KAZN: variants seen among roughly 807,000 people sequenced by gnomAD.
KAZN encodes kazrin, periplakin interacting protein.
KAZN carries 40 observed loss-of-function variants against 87.4 expected under a neutral mutation model. That is an observed-to-expected ratio of 0.46 (90% CI 0.36 to 0.60). KAZN has a LOEUF of 0.60. Ranked by LOEUF, KAZN falls within the 20% of genes least tolerant of loss-of-function variation. The pLI, the probability that KAZN is intolerant of heterozygous loss-of-function variation, is 0.00. For missense variants in KAZN, 898 were observed against 1,073.9 expected (o/e 0.84, Z 2.29); for synonymous variants, 466 against 458.3 (o/e 1.02, Z -0.22).
At chr1:14,978,388 T>C (rs1232735484) in intron 2 of KAZN, among the ~76,000 whole-genome samples, 1 of 151,814 alleles carries the variant, frequency 6.6e-6, no homozygotes, top group Non-Finnish European at 1.5e-5. Context: ...GTCAAAAGCA[T>C]CCGGCAGCTT....
At chr1:14,168,649 AG>A (rs943274006) in intron 1 of KAZN, among the ~76,000 whole-genome samples, 7 of 152,190 alleles carry the variant, frequency 4.6e-5, no homozygotes, top group African/African-American at 1.7e-4. Context: ...GTATATTCAT[AG>A]ATTTAGTGTA....
At chr1:15,005,566 G>A (rs1243148830) in intron 2 of KAZN, among the ~76,000 whole-genome samples, 1 of 152,112 alleles carries the variant, frequency 6.6e-6, no homozygotes, top group Non-Finnish European at 1.5e-5. Context: ...CAGGTGGATC[G>A]CTTGAGGTCA....
chr1:14,004,561 A>C (rs61777679), intron 1 of KAZN, among the ~76,000 whole-genome samples: 30,547 of 152,190 alleles, frequency 0.2, 3,319 homozygotes, highest in African/African-American at 0.26. Context: ...TGGGGTGCTT[A>C]GTGACTAGAA....
chr1:14,883,950 G>A (rs1194915243), intron 1 of KAZN, among the ~76,000 whole-genome samples: 2 of 152,110 alleles, frequency 1.3e-5, no homozygotes, highest in Non-Finnish European at 2.9e-5. Context: ...GAAAGAATAG[G>A]GTACAGGAAT....
At position 15,049,115 on chromosome 1, in the gene KAZN, C is replaced by T. The variant is rs182902963; in HGVS notation, c.726+4956C>T. Among the ~76,000 whole-genome samples, 351 of 152,224 alleles carry T rather than the reference C, an allele frequency of 2.3e-3. 1 individual carries two copies. The highest frequency in any genetic ancestry group is 8.1e-3 in the African/African-American group (337 of 41,526). ...GACGGCTTTGCCGGGAGGCTTTTGA[C>T]GGGAGTCCAGCCATGGCCTGAAGGA... On this transcript the variant is annotated intron_variant, in intron 4 of 14. Coordinates refer to ENST00000376030, the MANE Select transcript of KAZN (RefSeq NM_201628.3).
intron 8 of KAZN, among the ~76,000 whole-genome samples, chr1:15,082,203 A>G (rs1403088836): frequency 6.6e-6 from 1 of 152,100 alleles, no homozygotes. Flanking sequence ...TGGGGCAGCA[A>G]CAGGCCCAGC....
intron 1 of KAZN, among the ~76,000 whole-genome samples, chr1:14,105,205 T>C (rs1383691615): frequency 6.6e-6 from 1 of 152,124 alleles, no homozygotes; most frequent in African/African-American, 2.4e-5. Flanking sequence ...AATAAGTGCA[T>C]AGTTATAGAC....
At chr1:14,073,405 A>G (rs1557452579) in intron 1 of KAZN, among the ~76,000 whole-genome samples, 2 of 152,114 alleles carry the variant, frequency 1.3e-5, no homozygotes, top group Admixed American at 6.6e-5. Flanking sequence ...CTTTAAAACA[A>G]TTTTTTTTAT....
chr1:14,096,345 T>C (rs914359252), intron 1 of KAZN, among the ~76,000 whole-genome samples: 1 of 152,186 alleles, frequency 6.6e-6, no homozygotes, highest in East Asian at 1.9e-4. Flanking sequence ...ATACCACCTC[T>C]TTCAACTGAT....
chr1:14,387,431 A>C lies in KAZN; in HGVS notation c.249+206839A>C, dbSNP rs1346127668. ...CAGTTTTTCTGCTCTGTTTTTTCCC[A>C]ATCTTTGTGGTTTTATCTACTTTTG... On this transcript the variant is annotated intron_variant, in intron 2 of 16. Coordinates refer to the KAZN transcript ENST00000636203. 2.5e-3 allele frequency among the ~76,000 whole-genome samples: 381 copies of C among 151,848 alleles called. 1 individual carries two copies. Among genetic ancestry groups the C allele is most frequent in the African/African-American group, 8.4e-3 (346 of 41,352 alleles).
chr1:14,414,931 CAA>C (rs1209056180), intron 2 of KAZN, among the ~76,000 whole-genome samples: 2 of 152,074 alleles, frequency 1.3e-5, no homozygotes, highest in Non-Finnish European at 2.9e-5. Context: ...GAGGCTGAGA[CAA>C]GAGAATTGCT....
intron 3 of KAZN, 46 bp downstream of exon 3, chr1:15,034,931 C>T: frequency 6.2e-7 from 1 of 1,603,118 alleles, no homozygotes; most frequent in South Asian, 1.1e-5. Context: ...CACACCAGCT[C>T]CCACCTCCCC....
intron 1 of KAZN, among the ~76,000 whole-genome samples, chr1:14,864,429 G>T (rs548709060): frequency 6.6e-6 from 1 of 152,164 alleles, no homozygotes; most frequent in African/African-American, 2.4e-5. Flanking sequence ...TGGACGTGGG[G>T]TGGGCGCCTG....
intron 2 of KAZN, among the ~76,000 whole-genome samples, chr1:14,519,160 A>G (rs976590125): frequency 6.6e-6 from 1 of 152,184 alleles, no homozygotes; most frequent in African/African-American, 2.4e-5. Flanking sequence ...AAAAAAATTT[A>G]AATAATAAAA....
intron 1 of KAZN, among the ~76,000 whole-genome samples, chr1:14,890,118 G>A (rs1654541184): frequency 1.3e-5 from 2 of 152,332 alleles, no homozygotes; most frequent in South Asian, 4.1e-4. Context: ...GACCCTGAGG[G>A]GGCTTCCCAG....
At chr1:14,931,764 C>T (rs1336921001) in intron 1 of KAZN, among the ~76,000 whole-genome samples, 1 of 152,188 alleles carries the variant, frequency 6.6e-6, no homozygotes, top group Non-Finnish European at 1.5e-5. Context: ...CTCTGGTTTA[C>T]ACTGTGTTGC....
chr1:14,482,781 G>C (rs1372407362), intron 2 of KAZN, among the ~76,000 whole-genome samples: 2 of 152,100 alleles, frequency 1.3e-5, no homozygotes, highest in Admixed American at 1.3e-4. Flanking sequence ...GGGAGAGTGG[G>C]CTTTACCTAT....
At chr1:14,638,152 G>A (rs372490004) in intron 1 of KAZN, among the ~76,000 whole-genome samples, 5 of 152,136 alleles carry the variant, frequency 3.3e-5, no homozygotes, top group Non-Finnish European at 5.9e-5. Flanking sequence ...GGATGGCCTC[G>A]TCTCAACGAA....
intron 1 of KAZN, among the ~76,000 whole-genome samples, chr1:14,663,350 T>G (rs2148719861): frequency 6.6e-6 from 1 of 152,224 alleles, no homozygotes; most frequent in African/African-American, 2.4e-5. Flanking sequence ...GGAAGGGAAC[T>G]TGGTTCGCCG....
Sources: allele counts gnomAD v4.1 joint callset (sites outside exome capture counted in the v4.1 genomes callset), GRCh38; gene constraint gnomAD v4.1.1; transcripts MANE v1.5; gene names NCBI Gene and HGNC (gene_info 2026-07-23, HGNC 2026-07-21).